CDH13: variants seen among roughly 807,000 people sequenced by gnomAD.
CDH13 encodes cadherin-13.
CDH13 carries 24 observed loss-of-function variants against 63.8 expected under a neutral mutation model. The observed-to-expected ratio is 0.38, with a 90% CI of 0.27 to 0.53. The LOEUF is 0.53. CDH13 is among the 20% of genes least tolerant of loss of function. The pLI is 0.85. For synonymous variants in CDH13, 503 were observed against 355.3 expected (o/e 1.42, Z -4.67); for missense variants, 1,049 against 903.1 (o/e 1.16, Z -2.07).
At chr16:83,016,649 C>G (rs1309275996) in intron 2 of CDH13, among the ~76,000 whole-genome samples, 1 of 152,052 alleles carries the variant, frequency 6.6e-6, no homozygotes, top group Non-Finnish European at 1.5e-5. Context: ...GAAGGAGATC[C>G]ATTGTTGCCT....
intron 1 of CDH13, among the ~76,000 whole-genome samples, chr16:82,844,175 A>C (rs1274821040): frequency 6.6e-6 from 1 of 152,198 alleles, no homozygotes; most frequent in Admixed American, 6.5e-5. Context: ...TTAGAAACAG[A>C]AGACGATGTG....
At chr16:83,086,791 C>T (rs1384079118) in intron 3 of CDH13, among the ~76,000 whole-genome samples, 1 of 152,042 alleles carries the variant, frequency 6.6e-6, no homozygotes, top group African/African-American at 2.4e-5. Flanking sequence ...AAACTGGGCA[C>T]AGTAAAATTT....
rs180692398 is a variant in CDH13, at chr16:82,921,075, A to C, written c.157+62602A>C. 3.2e-3 allele frequency among the ~76,000 whole-genome samples: 490 copies of C among 152,250 alleles called. 2 individuals are homozygous for C. The highest frequency in any genetic ancestry group is 6.7e-3 in the Admixed American group (103 of 15,284). On this transcript the variant is annotated intron_variant, in intron 2 of 13. Transcript: ENST00000567109. The stretch of plus-strand genomic sequence containing the variant: ...ATTAAACCAACCTTGCATACCTTTA[A>C]TAAAGCCTAGTTGGTTATTTTCCTT...
At chr16:82,863,734 C>G (rs1037386743) in intron 2 of CDH13, among the ~76,000 whole-genome samples, 1 of 152,168 alleles carries the variant, frequency 6.6e-6, no homozygotes, top group South Asian at 2.1e-4. Context: ...ATCCACTTTT[C>G]TTATAATGGC....
At chr16:83,000,574 C>CTTTTTTT (rs561787532) in intron 2 of CDH13, among the ~76,000 whole-genome samples, 13 of 127,720 alleles carry the variant, frequency 1.0e-4, no homozygotes, top group Non-Finnish European at 1.8e-4. Context: ...TTTCTTTTCT[C>CTTTTTTT]TTTTTTTTTT....
At chr16:83,161,734 G>A (rs1220675903) in intron 4 of CDH13, among the ~76,000 whole-genome samples, 1 of 151,908 alleles carries the variant, frequency 6.6e-6, no homozygotes, top group African/African-American at 2.4e-5. Context: ...TTACCCATCC[G>A]TCTCTGTCAC....
At chr16:83,438,105 C>A (rs985448823) in intron 6 of CDH13, among the ~76,000 whole-genome samples, 1 of 152,208 alleles carries the variant, frequency 6.6e-6, no homozygotes, top group Admixed American at 6.6e-5. Flanking sequence ...CTCAAAACCC[C>A]TTTCATGACT....
At chr16:82,759,997 GATTATA>G (rs999598880) in intron 1 of CDH13, among the ~76,000 whole-genome samples, 30 of 152,036 alleles carry the variant, frequency 2.0e-4, no homozygotes, top group African/African-American at 7.0e-4. Flanking sequence ...TAAAAATTAT[GATTATA>G]ATTATTATTT....
chr16:83,281,882 T>A (rs931576676), intron 5 of CDH13, among the ~76,000 whole-genome samples: 2 of 152,128 alleles, frequency 1.3e-5, no homozygotes, highest in Non-Finnish European at 2.9e-5. Context: ...CACTGCATTC[T>A]AACCTCGGCA....
At position 83,299,629 on chromosome 16, in the gene CDH13, G is replaced by A. The variant is rs532135814; in HGVS notation, c.637-45233G>A. 6.6e-5 allele frequency among the ~76,000 whole-genome samples: 10 copies of A among 152,250 alleles called. No individual in the cohort carries two copies. The East Asian group carries it at 1.9e-3, about 29-fold the overall frequency. On this transcript the variant is annotated intron_variant, in intron 5 of 13. Transcript: ENST00000567109. The stretch of plus-strand genomic sequence containing the variant: ...AAGACCCTAGCTTTATTTAGTGTTT[G>A]TTAAAGCATCTCTTAACCTCCTCTC...
At chr16:83,444,625 G>A (rs1371872618) in intron 6 of CDH13, among the ~76,000 whole-genome samples, 1 of 152,076 alleles carries the variant, frequency 6.6e-6, no homozygotes, top group African/African-American at 2.4e-5. Flanking sequence ...AATTTTCAGG[G>A]CCATCATTGC....
At chr16:83,200,957 G>GTC (rs2039011085) in intron 4 of CDH13, among the ~76,000 whole-genome samples, 2 of 145,906 alleles carry the variant, frequency 1.4e-5, no homozygotes, top group African/African-American at 5.2e-5. Flanking sequence ...GTGTGTGTGT[G>GTC]TGTGTGTGTG....
rs202136922 is a variant in CDH13, at chr16:83,554,687, GCA to G, written c.961-47758_961-47757del. On this transcript the variant is annotated intron_variant, in intron 7 of 13. Transcript: ENST00000567109. ...CCATCACAACCTTACACACACACAC[GCA>G]CACACACAAATACTTCTGCAAGGAC... is the stretch of plus-strand genomic sequence containing the variant. Among the ~76,000 whole-genome samples, 648 of 151,830 alleles carry G rather than the reference GCA, an allele frequency of 4.3e-3. 2 individuals carry two copies. The highest frequency in any genetic ancestry group is 0.015 in the African/African-American group (604 of 41,418).
intron 2 of CDH13, among the ~76,000 whole-genome samples, chr16:82,961,823 ACCGTTGGGATGGGGGCTG>A (rs989054847): frequency 6.6e-6 from 1 of 152,118 alleles, no homozygotes; most frequent in Non-Finnish European, 1.5e-5. Context: ...TTTGGTTGTC[ACCGTTGGGATGGGGGCTG>A]CCGTTGGCTT....
At chr16:83,322,284 G>C (rs1467385720) in intron 5 of CDH13, among the ~76,000 whole-genome samples, 1 of 152,178 alleles carries the variant, frequency 6.6e-6, no homozygotes, top group Non-Finnish European at 1.5e-5. Context: ...AATGATTTGC[G>C]AGGCAGAGCG....
At chr16:83,537,930 T>G (rs968156275) in intron 7 of CDH13, among the ~76,000 whole-genome samples, 1 of 152,236 alleles carries the variant, frequency 6.6e-6, no homozygotes, top group African/African-American at 2.4e-5. Flanking sequence ...AGGAATTTAA[T>G]TTTGTTGTCT....
chr16:82,985,619 G>C (rs1434399346), intron 2 of CDH13, among the ~76,000 whole-genome samples: 3 of 152,112 alleles, frequency 2.0e-5, no homozygotes, highest in Non-Finnish European at 4.4e-5. Context: ...GCGAGATCTT[G>C]GGCAGGACCC....
chr16:83,149,738 C>T (rs913178145), intron 4 of CDH13, among the ~76,000 whole-genome samples: 1 of 152,144 alleles, frequency 6.6e-6, no homozygotes, highest in African/African-American at 2.4e-5. Flanking sequence ...GCATTGGAAG[C>T]ACTGGGGTGC....
intron 7 of CDH13, among the ~76,000 whole-genome samples, chr16:83,564,319 G>A (rs1189836625): frequency 6.6e-6 from 1 of 151,588 alleles, no homozygotes; most frequent in Non-Finnish European, 1.5e-5. Context: ...GTGACAATAA[G>A]GCATTAACAT....
Sources: gnomAD v4.1 joint callset for allele counts (sites outside exome capture counted in the v4.1 genomes callset) on GRCh38, gnomAD v4.1.1 for gene constraint, MANE v1.5 for transcripts, NCBI Gene and HGNC (gene_info 2026-07-23, HGNC 2026-07-21) for gene names.